Variants in ATF6 observed in about 807,000 individuals in gnomAD.
ATF6 encodes the protein activating transcription factor 6, also known as cyclic AMP-dependent transcription factor ATF-6 alpha.
ATF6 carries 53 observed loss-of-function variants against 83.6 expected under a neutral mutation model. The ratio of observed to expected loss-of-function variants is 0.63; its 90% CI spans 0.51 to 0.80. The LOEUF (loss-of-function observed/expected upper bound fraction) is 0.80, where lower values mean the gene tolerates loss of function less well. Among genes scored for constraint, ATF6 ranks in the 30% least tolerant of loss-of-function variants. The pLI, the probability that ATF6 is intolerant of heterozygous loss-of-function variation, is 0.00. For missense variants in ATF6, 744 were observed against 797.9 expected, an observed-to-expected ratio of 0.93 and a Z score of 0.81; for synonymous variants, 288 against 285.8, an observed-to-expected ratio of 1.01 and a Z score of -0.08.
intron 12 of ATF6, among the ~76,000 whole-genome samples, chr1:161,855,238 G>C (rs1686732331): frequency 6.6e-6 from 1 of 152,170 alleles, no homozygotes; most frequent in African/African-American, 2.4e-5. Context: ...GGCTAGGTGA[G>C]AGAAATTGTT....
intron 1 of ATF6, among the ~76,000 whole-genome samples, chr1:161,769,323 C>T (rs1430377627): frequency 1.3e-5 from 2 of 152,322 alleles, no homozygotes; most frequent in South Asian, 2.1e-4. Flanking sequence ...CATACTTCCC[C>T]TTCATCCCCA....
chr1:161,786,399 C>T (rs1027098084), intron 4 of ATF6, among the ~76,000 whole-genome samples: 1 of 151,910 alleles, frequency 6.6e-6, no homozygotes, highest in Admixed American at 6.6e-5. Flanking sequence ...AATATTTTTT[C>T]CCCAATTTTT....
At chr1:161,917,566 G>A (rs1371480139) in intron 15 of ATF6, among the ~76,000 whole-genome samples, 1 of 152,038 alleles carries the variant, frequency 6.6e-6, no homozygotes, top group African/African-American at 2.4e-5. Flanking sequence ...GACTACAGGC[G>A]CCTGCCACCA....
At chr1:161,912,643 A>G (rs1295388570) in intron 15 of ATF6, among the ~76,000 whole-genome samples, 4 of 152,184 alleles carry the variant, frequency 2.6e-5, no homozygotes, top group Non-Finnish European at 4.4e-5. Context: ...ACAGACTTGC[A>G]TCTGCGACCC....
chr1:161,894,741 G>A (rs1479910762), intron 14 of ATF6, among the ~76,000 whole-genome samples: 3 of 138,802 alleles, frequency 2.2e-5, no homozygotes, highest in East Asian at 4.1e-4. Context: ...TAGCAGAGAC[G>A]GGGTTTCACC....
chr1:161,942,634 A>G (rs1479747987), intron 15 of ATF6, among the ~76,000 whole-genome samples: 3 of 152,204 alleles, frequency 2.0e-5, no homozygotes, highest in Admixed American at 1.3e-4. Flanking sequence ...AAACATCATC[A>G]TATTTAATCC....
intron 9 of ATF6, among the ~76,000 whole-genome samples, chr1:161,837,977 A>T (rs1686263083): frequency 2.6e-5 from 4 of 152,220 alleles, no homozygotes; most frequent in Non-Finnish European, 1.5e-5. Context: ...GATCAGAATC[A>T]CAATCTGCCT....
intron 7 of ATF6, among the ~76,000 whole-genome samples, chr1:161,804,045 A>G (rs377325188): frequency 7.8e-6 from 1 of 128,306 alleles, no homozygotes; most frequent in African/African-American, 3.0e-5. Flanking sequence ...TCCTGTGTCC[A>G]TGTGTTCTCA....
rs370487599 is a variant in ATF6 at position 161,830,560 on chromosome 1, A to G, written c.1187+9399A>G. On this transcript the variant is annotated intron_variant, in intron 9 of 15. Coordinates refer to ENST00000367942, the MANE Select transcript of ATF6 (RefSeq NM_007348.4). The stretch of plus-strand genomic sequence containing the variant: ...TGACTTCAAACTATACTACAAGGCT[A>G]CAGTAACCAAAACAGCATGGTACTG... Among the ~76,000 whole-genome samples, 4 of 152,360 alleles carry G rather than the reference A, an allele frequency of 2.6e-5. No homozygotes were observed. In the East Asian group the frequency reaches 7.7e-4, roughly 29 times the overall value.
intron 15 of ATF6, among the ~76,000 whole-genome samples, chr1:161,936,567 T>A (rs971522134): frequency 6.6e-6 from 1 of 152,242 alleles, no homozygotes; most frequent in Non-Finnish European, 1.5e-5. Context: ...TTTTACATTT[T>A]GACATATTAA....
chr1:161,825,481 A>G (rs1027431675), intron 9 of ATF6, among the ~76,000 whole-genome samples: 17 of 152,328 alleles, frequency 1.1e-4, no homozygotes, highest in Non-Finnish European at 2.2e-4. Flanking sequence ...CTAAGTGGCT[A>G]TAAGTTGAGG....
intron 7 of ATF6, 134 bp from the exon 8 acceptor site, chr1:161,819,499 C>T (rs1685697819): frequency 3.5e-6 from 2 of 578,756 alleles, no homozygotes; most frequent in East Asian, 6.9e-5. Context: ...GTTTTCAAAC[C>T]TCTTTTGAAA....
At chr1:161,868,156 CTT>C (rs1424975683) in intron 14 of ATF6, among the ~76,000 whole-genome samples, 1 of 152,120 alleles carries the variant, frequency 6.6e-6, no homozygotes, top group African/African-American at 2.4e-5. Context: ...AGTGATTCCA[CTT>C]TAGTCTTTTT....
intron 10 of ATF6, among the ~76,000 whole-genome samples, chr1:161,849,848 T>C (rs2101823304): frequency 6.6e-6 from 1 of 152,312 alleles, no homozygotes; most frequent in South Asian, 2.1e-4. Flanking sequence ...AAACTTAACA[T>C]GTGCACTGTG....
chr1:161,853,965 A>G (rs1459507960), intron 12 of ATF6, among the ~76,000 whole-genome samples: 2 of 152,232 alleles, frequency 1.3e-5, no homozygotes, highest in East Asian at 1.9e-4. Context: ...TAAAGTCCCT[A>G]CCTTAATGGA....
chr1:161,769,044 C>A (rs932578033), intron 1 of ATF6, among the ~76,000 whole-genome samples: 2 of 152,076 alleles, frequency 1.3e-5, no homozygotes, highest in African/African-American at 4.8e-5. Context: ...AAATTTAGAG[C>A]AAGAGTCTTC....
chr1:161,875,539 A>T (rs1348782870), intron 14 of ATF6, among the ~76,000 whole-genome samples: 2 of 151,860 alleles, frequency 1.3e-5, no homozygotes, highest in African/African-American at 4.8e-5. Context: ...TGAGCAGTTC[A>T]TGGTAGCAGA....
intron 15 of ATF6, among the ~76,000 whole-genome samples, chr1:161,941,478 C>A (rs1688640279): frequency 6.6e-6 from 1 of 152,174 alleles, no homozygotes; most frequent in Non-Finnish European, 1.5e-5. Flanking sequence ...GCTTTAAAAT[C>A]TTGCTTTTTA....
chr1:161,901,038 C>A (rs1173469024), intron 14 of ATF6, among the ~76,000 whole-genome samples: 3 of 152,098 alleles, frequency 2.0e-5, no homozygotes, highest in South Asian at 2.1e-4. Flanking sequence ...CTTACACATT[C>A]TTCTGTCGTA....
Sources: gnomAD v4.1 joint callset for allele counts (sites outside exome capture counted in the v4.1 genomes callset) on GRCh38, gnomAD v4.1.1 for gene constraint, MANE v1.5 for transcripts, NCBI Gene and HGNC (gene_info 2026-07-23, HGNC 2026-07-21) for gene names.